Variants in SPAG1 observed in about 807,000 individuals in gnomAD.
SPAG1 encodes sperm associated antigen 1, also known as sperm-associated antigen 1.
A neutral mutation model predicts 100.5 loss-of-function variants in SPAG1; 69 were observed. The ratio of observed to expected loss-of-function variants is 0.69; its 90% CI spans 0.57 to 0.84. The LOEUF (loss-of-function observed/expected upper bound fraction) is 0.84. Ranked by LOEUF, SPAG1 falls within the 40% of genes least tolerant of loss-of-function variation. The pLI is 0.00. For synonymous variants in SPAG1, 336 were observed against 411.6 expected (o/e 0.82, Z 2.22); for missense variants, 955 against 1,133.1 (o/e 0.84, Z 2.26).
intron 3 of SPAG1, among the ~76,000 whole-genome samples, chr8:100,176,246 G>A (rs75924462): frequency 5.8e-4 from 88 of 151,668 alleles, no homozygotes; most frequent in South Asian, 2.1e-3. Context: ...CTTTGCTGGC[G>A]TTCAATTCTT....
chr8:100,212,949 G>A, intron 10 of SPAG1, 141 bp from the exon 11 acceptor site: 1 of 618,402 alleles, frequency 1.6e-6, no homozygotes, highest in South Asian at 2.6e-5. Flanking sequence ...GGCAGCACAG[G>A]CTCCGCCCGC....
At chr8:100,171,868 C>T (rs1388879044) in intron 3 of SPAG1, among the ~76,000 whole-genome samples, 1 of 152,118 alleles carries the variant, frequency 6.6e-6, no homozygotes, top group African/African-American at 2.4e-5. Flanking sequence ...CTGACTCCGT[C>T]AGGCCAGAAG....
chr8:100,161,958 A>C lies in SPAG1; in HGVS notation c.-2-321A>C, dbSNP rs2514692. Among the ~76,000 whole-genome samples the C allele has an allele frequency of 0.61, 93,472 of 152,076 alleles. 28,951 individuals carry two copies. The highest frequency in any genetic ancestry group is 0.69 in the East Asian group (3,562 of 5,180). ...CTGTAGCCAGTTGCAGAAGTAAATAACGTCTTCCTCCTCGGTTCATCTGCA... is the reference window on the plus strand; with the variant it reads ...CTGTAGCCAGTTGCAGAAGTAAATACCGTCTTCCTCCTCGGTTCATCTGCA... On this transcript the variant is annotated intron_variant, in intron 1 of 18. Coordinates refer to ENST00000388798, the MANE Select transcript of SPAG1 (RefSeq NM_003114.5).
rs755713664 is a variant in SPAG1, at chr8:100,229,410, C to T, written c.1856-1746C>T. Among the ~76,000 whole-genome samples, 267 of 152,078 alleles carry T rather than the reference C, an allele frequency of 1.8e-3. 1 individual carries two copies. Among genetic ancestry groups the T allele is most frequent in the Non-Finnish European group, 3.3e-3 (227 of 67,994 alleles). ...CCGCACTCCAGCCCGGGCGACAGAG[C>T]GAGACTCCGTCTCAAAAAACAAAAC... On this transcript the variant is annotated intron_variant, in intron 14 of 18. Coordinates refer to ENST00000388798, the MANE Select transcript of SPAG1 (RefSeq NM_003114.5).
upstream of SPAG1, chr8:100,158,371 C>G (rs1261517719): frequency 1.3e-5 from 2 of 152,304 alleles, no homozygotes; most frequent in Non-Finnish European, 2.9e-5. Flanking sequence ...CGCGGTCAGC[C>G]CTGGTGACCC....
In SPAG1 at chr8:100,165,955, A is replaced by G. The variant is rs1473646774; in HGVS notation, c.282A>G (p.Lys94=). Residue 94 remains lysine, a synonymous_variant, in exon 3 of 19, where the codon AAA becomes AAG. Coordinates refer to ENST00000388798, the MANE Select transcript of SPAG1 (RefSeq NM_003114.5). ...AASFTAEEWE[K]IDGDIKSWVS... ...GTTTTACAGCTGAAGAATGGGAAAA[A>G]ATTGATGGTGATATAAAGGTATATA... is the stretch of plus-strand genomic sequence containing the variant. 2 of 1,613,738 alleles carry G rather than the reference A, an allele frequency of 1.2e-6. No homozygotes were observed. The highest frequency in any genetic ancestry group is 3.3e-5 in the Admixed American group (2 of 59,866).
chr8:100,218,702 G>A (rs1050310569), intron 12 of SPAG1, among the ~76,000 whole-genome samples: 1 of 152,184 alleles, frequency 6.6e-6, no homozygotes, highest in African/African-American at 2.4e-5. Flanking sequence ...CTAACACCTA[G>A]GCAGAGTGAA....
chr8:100,183,264 C>CA lies in SPAG1; in HGVS notation c.427-110dup, dbSNP rs1816444380. On this transcript the variant is annotated intron_variant, in intron 4 of 18. Coordinates refer to ENST00000388798, the MANE Select transcript of SPAG1 (RefSeq NM_003114.5). ...CTGGGATTACAGGCGTGAGTCCCCG[C>CA]ACCTGGCTTCCATTTGTATATCTTA... is the stretch of plus-strand genomic sequence containing the variant. 1.4e-5 allele frequency: 8 copies of CA among 555,082 alleles called. No homozygotes were observed. In the South Asian group the frequency reaches 1.7e-4, roughly 12 times the overall value. The allele number at this position is 555,082 out of a possible 1,614,324, so 34.4% of individuals were successfully genotyped here.
chr8:100,231,957 GT>G (rs1434820709), intron 15 of SPAG1, among the ~76,000 whole-genome samples: 1 of 132,200 alleles, frequency 7.6e-6, no homozygotes, highest in Admixed American at 7.2e-5. Context: ...GCAAGACTCT[GT>G]CTCAAAAAAA....
At position 100,240,653 on chromosome 8, in the gene SPAG1, A is replaced by G. The variant is rs1819221803; in HGVS notation, c.2531A>G (p.Lys844Arg). 1.2e-6 allele frequency: 2 copies of G among 1,614,062 alleles called. No individual in the cohort carries two copies. The highest frequency in any genetic ancestry group is 1.7e-5 in the Admixed American group (1 of 60,004). ...GATTTGCCGATGTTTTTAAGTAACA[A>G]ACTTGAAGGGGATACATTCCTTCTC... ...PKDLPMFLSN[K>R]LEGDTFLLLI... The change falls in exon 18 of 19, where the codon AAA (lysine) becomes AGA (arginine). Residue 844 changes from lysine (K) to arginine (R), a missense_variant. By Grantham distance (26) the Lys-to-Arg change is conservative. Transcript: ENST00000388798.
intron 12 of SPAG1, 35 bp from the exon 13 acceptor site, chr8:100,220,244 A>G (rs1454828470): frequency 3.8e-6 from 6 of 1,582,054 alleles, no homozygotes; most frequent in Admixed American, 3.7e-5. Context: ...GCATTTTTCA[A>G]AACAAATGGT....
At chr8:100,228,941 G>A (rs1399160258) in intron 14 of SPAG1, among the ~76,000 whole-genome samples, 1 of 152,154 alleles carries the variant, frequency 6.6e-6, no homozygotes, top group Non-Finnish European at 1.5e-5. Context: ...AAGTGTAAGG[G>A]ATGGTCTTGG....
chr8:100,223,353 A>ACAAATAAC (rs1818364924), intron 13 of SPAG1, among the ~76,000 whole-genome samples: 2 of 152,248 alleles, frequency 1.3e-5, no homozygotes, highest in African/African-American at 4.8e-5. Context: ...TGTTATATGT[A>ACAAATAAC]CTCAGGAAGG....
chr8:100,212,475 C>T (rs1027523114), intron 10 of SPAG1, among the ~76,000 whole-genome samples: 56 of 152,218 alleles, frequency 3.7e-4, no homozygotes, highest in Non-Finnish European at 2.5e-4. Flanking sequence ...ACCTGAACTC[C>T]TAATCAAAAT....
At chr8:100,182,795 T>A (rs973410285) in intron 4 of SPAG1, among the ~76,000 whole-genome samples, 5 of 152,142 alleles carry the variant, frequency 3.3e-5, no homozygotes, top group African/African-American at 1.2e-4. Flanking sequence ...TATTCACACA[T>A]AAGTTTTAAA....
At chr8:100,213,579 C>T in intron 11 of SPAG1, 151 bp downstream of exon 11, 1 of 708,072 alleles carries the variant, frequency 1.4e-6, no homozygotes. Context: ...CGCCGTGCCA[C>T]CTGACCTCAG....
At chr8:100,212,397 ATAAAT>A (rs1341405862) in intron 10 of SPAG1, among the ~76,000 whole-genome samples, 6 of 152,262 alleles carry the variant, frequency 3.9e-5, no homozygotes, top group Non-Finnish European at 7.3e-5. Context: ...CTAAGACACC[ATAAAT>A]TAAATATTTA....
intron 12 of SPAG1, among the ~76,000 whole-genome samples, chr8:100,219,686 A>G (rs1818172227): frequency 4.6e-5 from 7 of 152,228 alleles, no homozygotes; most frequent in Admixed American, 4.6e-4. Context: ...AAACACAACC[A>G]TGAGATACAT....
intron 11 of SPAG1, 72 bp from the exon 12 acceptor site, chr8:100,213,747 C>A: frequency 3.1e-6 from 3 of 960,074 alleles, no homozygotes; most frequent in Non-Finnish European, 4.9e-6. Flanking sequence ...AGACCTCGGC[C>A]GTCTTGTAAT....
Sources: allele counts gnomAD v4.1 joint callset (sites outside exome capture counted in the v4.1 genomes callset), GRCh38; gene constraint gnomAD v4.1.1; transcripts MANE v1.5; gene names NCBI Gene and HGNC (gene_info 2026-07-23, HGNC 2026-07-21).